The following CCBE1 variants were observed in gnomAD, a reference collection of about 807,000 sequenced individuals.
CCBE1 encodes collagen and calcium binding EGF domains 1, also known as collagen and calcium-binding EGF domain-containing protein 1.
In CCBE1, 37 loss-of-function variants were observed where a neutral mutation model predicts 50.0. The ratio of observed to expected loss-of-function variants is 0.74; its 90% CI spans 0.57 to 0.97. The LOEUF is 0.97. CCBE1 is among the 50% of genes least tolerant of loss of function. CCBE1 has a pLI of 0.00. For synonymous variants in CCBE1, 234 were observed against 203.7 expected (o/e 1.15, Z -1.27); for missense variants, 538 against 523.8 (o/e 1.03, Z -0.26).
At chr18:59,450,241 TAA>T (rs1405330539) in intron 6 of CCBE1, among the ~76,000 whole-genome samples, 2 of 152,254 alleles carry the variant, frequency 1.3e-5, no homozygotes, top group Non-Finnish European at 2.9e-5. Context: ...AGGTACTTTG[TAA>T]AGAGTGCTAA....
intron 2 of CCBE1, among the ~76,000 whole-genome samples, chr18:59,606,088 T>G (rs2053495120): frequency 6.6e-6 from 1 of 152,224 alleles, no homozygotes; most frequent in African/African-American, 2.4e-5. Context: ...AGTTTAATGA[T>G]TGTCAAAACA....
Position 59,664,412 on chromosome 18 carries a change from G to T in CCBE1, c.212+32217C>A, listed in dbSNP as rs147745338. 1.8e-4 allele frequency among the ~76,000 whole-genome samples: 27 copies of T among 152,268 alleles called. No individual in the cohort carries two copies. In the East Asian group the frequency reaches 5.0e-3, roughly 28 times the overall value. On this transcript the variant is annotated intron_variant, in intron 2 of 10. Coordinates refer to ENST00000439986, the MANE Select transcript of CCBE1 (RefSeq NM_133459.4). ...TGTGGCAACTGAGGATAAAGTAAAT[G>T]GGAACAGAAGAGATTGCTATGGGAG...
At position 59,696,858 on chromosome 18, in the gene CCBE1, G is replaced by A. The variant is rs2054813634; in HGVS notation, c.132-149C>T. ...GCTGGTCCCCAAACGCGTACGCGGG[G>A]CAGACTCCGGCCACAGGGACGAGCC... On this transcript the variant is annotated intron_variant, in intron 1 of 10. Transcript: ENST00000439986. 4.6e-6 allele frequency: 4 copies of A among 864,288 alleles called. No individual in the cohort carries two copies. In the African/African-American group the frequency reaches 5.0e-5, roughly 11 times the overall value. The allele number at this position is 864,288 out of a possible 1,614,324, so 53.5% of individuals were successfully genotyped here.
chr18:59,592,258 T>TTGA (rs1237517292), intron 2 of CCBE1, among the ~76,000 whole-genome samples: 1 of 152,184 alleles, frequency 6.6e-6, no homozygotes, highest in Non-Finnish European at 1.5e-5. Context: ...AAATAGTTAT[T>TTGA]TTCAGGCTAT....
At chr18:59,450,770 A>T (rs1910893768) in intron 6 of CCBE1, among the ~76,000 whole-genome samples, 1 of 152,200 alleles carries the variant, frequency 6.6e-6, no homozygotes, top group Non-Finnish European at 1.5e-5. Context: ...CTTGACCTCA[A>T]GTGATCCGCC....
Position 59,448,008 on chromosome 18 carries a change from G to T in CCBE1, c.750C>A (p.Gly250=), listed in dbSNP as rs1261317542. 3 of 1,614,220 alleles carry T rather than the reference G, an allele frequency of 1.9e-6. No individual in the cohort carries two copies. Among genetic ancestry groups the T allele is most frequent in the Non-Finnish European group, 2.5e-6 (3 of 1,180,032 alleles). Reference sequence around the variant, plus strand: ...CGGGAGGGCCCTGGCCCCCAGGCAGGCCAGGAGGTCCTGGAAGGTAGGTGT... The same window carrying T: ...CGGGAGGGCCCTGGCCCCCAGGCAGTCCAGGAGGTCCTGGAAGGTAGGTGT... ...ASNTYLPGPP[G]LPGGQGPPGS... is the part of the protein sequence containing the mutation. Residue 250 remains glycine, a synonymous_variant, in exon 7 of 11, where the codon GGC becomes GGA. Transcript: ENST00000439986.
intron 2 of CCBE1, among the ~76,000 whole-genome samples, chr18:59,604,430 C>T (rs1246449053): frequency 6.6e-6 from 1 of 152,116 alleles, no homozygotes; most frequent in Non-Finnish European, 1.5e-5. Context: ...ACAGAGATAC[C>T]TATCCAGGAA....
chr18:59,697,562 A>C (rs2054829821), upstream of CCBE1: 1 of 601,256 alleles, frequency 1.7e-6, no homozygotes, highest in Non-Finnish European at 2.8e-6. Flanking sequence ...GCAGAGAAGC[A>C]GGTAAAGGGG....
intron 2 of CCBE1, among the ~76,000 whole-genome samples, chr18:59,652,736 G>A (rs535274046): frequency 1.6e-4 from 24 of 152,266 alleles, no homozygotes; most frequent in South Asian, 8.3e-4. Context: ...AGGCCGAGGC[G>A]GGTGGATCAT....
At chr18:59,577,140 C>T (rs1379516932) in intron 2 of CCBE1, among the ~76,000 whole-genome samples, 1 of 152,164 alleles carries the variant, frequency 6.6e-6, no homozygotes, top group Non-Finnish European at 1.5e-5. Flanking sequence ...GAGTGTTTAG[C>T]TGTCTTGGAT....
chr18:59,466,148 T>C (rs1358803935), intron 5 of CCBE1, among the ~76,000 whole-genome samples: 1 of 151,932 alleles, frequency 6.6e-6, no homozygotes, highest in Non-Finnish European at 1.5e-5. Context: ...ATAAAATACA[T>C]GATATGGTTT....
chr18:59,635,960 C>T lies in CCBE1; in HGVS notation c.212+60669G>A, dbSNP rs1460701378. On this transcript the variant is annotated intron_variant, in intron 2 of 10. Transcript: ENST00000439986. ...GAATGATAGCTTGAGCCCAGGAGTTCAAGACCAGCCTGGGTAACATAACTA... is the reference window on the plus strand; with the variant it reads ...GAATGATAGCTTGAGCCCAGGAGTTTAAGACCAGCCTGGGTAACATAACTA... Among the ~76,000 whole-genome samples, 4 of 151,998 alleles carry T rather than the reference C, an allele frequency of 2.6e-5. No homozygotes were observed. In the East Asian group the frequency reaches 7.7e-4, roughly 29 times the overall value.
At chr18:59,497,070 A>C (rs1019781705) in intron 2 of CCBE1, among the ~76,000 whole-genome samples, 3 of 152,244 alleles carry the variant, frequency 2.0e-5, no homozygotes, top group African/African-American at 7.2e-5. Context: ...GAGATACGTA[A>C]AGTACCTAGT....
At chr18:59,692,565 C>G (rs994551458) in intron 2 of CCBE1, among the ~76,000 whole-genome samples, 4 of 152,180 alleles carry the variant, frequency 2.6e-5, no homozygotes, top group Non-Finnish European at 2.9e-5. Flanking sequence ...TTACCTAGAG[C>G]CCAATGCTAT....
chr18:59,672,329 A>C (rs1346088129), intron 2 of CCBE1, among the ~76,000 whole-genome samples: 1 of 152,198 alleles, frequency 6.6e-6, no homozygotes, highest in African/African-American at 2.4e-5. Flanking sequence ...CCGCTGTCCC[A>C]AATCTAGACT....
chr18:59,663,928 CAGG>C (rs1182827702), intron 2 of CCBE1, among the ~76,000 whole-genome samples: 1 of 152,162 alleles, frequency 6.6e-6, no homozygotes, highest in Non-Finnish European at 1.5e-5. Context: ...GGAACAACAG[CAGG>C]AGAAATAAGT....
intron 2 of CCBE1, among the ~76,000 whole-genome samples, chr18:59,488,237 G>C (rs1912916971): frequency 6.6e-6 from 1 of 152,142 alleles, no homozygotes; most frequent in Admixed American, 6.5e-5. Flanking sequence ...TTTCAGTTTG[G>C]GAAGATGAAA....
At chr18:59,553,318 C>T (rs1340146169) in intron 2 of CCBE1, among the ~76,000 whole-genome samples, 1 of 152,286 alleles carries the variant, frequency 6.6e-6, no homozygotes, top group Admixed American at 6.5e-5. Context: ...TAACAGACTT[C>T]AAAAGCACAG....
intron 2 of CCBE1, among the ~76,000 whole-genome samples, chr18:59,537,384 G>A (rs539631094): frequency 2.6e-5 from 4 of 152,246 alleles, no homozygotes; most frequent in South Asian, 2.1e-4. Context: ...TTGTGGGAAG[G>A]ACCTGGTGAA....
Sources: gnomAD v4.1 joint callset for allele counts (sites outside exome capture counted in the v4.1 genomes callset) on GRCh38, gnomAD v4.1.1 for gene constraint, MANE v1.5 for transcripts, NCBI Gene and HGNC (gene_info 2026-07-23, HGNC 2026-07-21) for gene names.